INTS9: variants seen among roughly 807,000 people sequenced by gnomAD.
The protein encoded by INTS9 is protein related to CPSF subunits of 74 kDa.
A neutral mutation model predicts 79.7 loss-of-function variants in INTS9; 55 were observed. The ratio of observed to expected loss-of-function variants is 0.69; its 90% CI spans 0.56 to 0.86. INTS9 has a LOEUF of 0.86. Ranked by LOEUF, INTS9 falls within the 40% of genes least tolerant of loss-of-function variation. INTS9 has a pLI of 0.00. For synonymous variants in INTS9, 319 were observed against 325.2 expected (o/e 0.98, Z 0.20); for missense variants, 721 against 831.5 (o/e 0.87, Z 1.64).
At chr8:28,856,711 C>T (rs1234229805) in intron 2 of INTS9, among the ~76,000 whole-genome samples, 1 of 152,148 alleles carries the variant, frequency 6.6e-6, no homozygotes, top group African/African-American at 2.4e-5. Context: ...GAGCAATTTA[C>T]TTTTTGTTAT....
rs141707027 is a variant in INTS9, at chr8:28,837,641, C to T, written c.397G>A (p.Gly133Ser). The T allele has an allele frequency of 1.9e-4, 304 of 1,612,496 alleles. 1 individual carries two copies. In the African/African-American group the frequency reaches 3.2e-3, roughly 17 times the overall value. The part of the protein sequence containing the change: ...VYATEPTVQI[G>S]RLLMEELVNF... ...GGTCAGAATCAACCCTCTCACCTGC[C>T]GATCTGGACGGTGGGTTCCGTGGCA... Residue 133 changes from glycine (G) to serine (S), a missense_variant, in exon 5 of 17, where the codon GGC (glycine) becomes AGC (serine). Physicochemically the swap from Gly to Ser is moderately conservative, Grantham distance 56. This residue lies in a region of INTS9 where 291 missense variants were observed against 307.0 expected (regional missense o/e 0.95). Coordinates refer to ENST00000521022, the MANE Select transcript of INTS9 (RefSeq NM_018250.4).
At chr8:28,875,259 T>C (rs974585803) in intron 1 of INTS9, among the ~76,000 whole-genome samples, 1 of 152,174 alleles carries the variant, frequency 6.6e-6, no homozygotes, top group Non-Finnish European at 1.5e-5. Flanking sequence ...GTATCCATTT[T>C]TGTACACACT....
intron 1 of INTS9, among the ~76,000 whole-genome samples, chr8:28,882,383 T>C (rs1809911622): frequency 7.0e-6 from 1 of 143,796 alleles, no homozygotes; most frequent in Non-Finnish European, 1.5e-5. Flanking sequence ...CTTGTTTATC[T>C]GCTGACCTTC....
intron 8 of INTS9, among the ~76,000 whole-genome samples, chr8:28,802,812 T>C (rs1329808083): frequency 5.9e-5 from 9 of 152,086 alleles, no homozygotes; most frequent in South Asian, 2.1e-4. Flanking sequence ...CATTCTATTA[T>C]AGATAAGTTT....
intron 3 of INTS9, 95 bp downstream of exon 3, chr8:28,850,118 A>T: frequency 2.4e-6 from 2 of 831,460 alleles, no homozygotes; most frequent in Non-Finnish European, 3.8e-6. Flanking sequence ...AAAAAAAAAA[A>T]GCCATCAGTC....
intron 10 of INTS9, among the ~76,000 whole-genome samples, chr8:28,788,575 C>T (rs555985184): frequency 6.6e-6 from 1 of 152,278 alleles, no homozygotes; most frequent in South Asian, 2.1e-4. Context: ...CCTGCCACCA[C>T]ACTCGGCGAA....
chr8:28,777,367 ACTT>A (rs1802949269), intron 13 of INTS9, among the ~76,000 whole-genome samples: 2 of 152,204 alleles, frequency 1.3e-5, no homozygotes, highest in Middle Eastern at 3.4e-3. Context: ...CACCCCAGCT[ACTT>A]CTTCCCTTTC....
intron 1 of INTS9, among the ~76,000 whole-genome samples, chr8:28,860,251 G>GA (rs1563303573): frequency 6.6e-6 from 1 of 152,166 alleles, no homozygotes; most frequent in East Asian, 1.9e-4. Context: ...ACACTGACCC[G>GA]AAACATTTCT....
At chr8:28,824,681 G>A (rs751973547) in intron 6 of INTS9, among the ~76,000 whole-genome samples, 62 of 152,180 alleles carry the variant, frequency 4.1e-4, no homozygotes, top group Admixed American at 7.2e-4. Flanking sequence ...TGCTGCTCCT[G>A]CATCTGTTAC....
chr8:28,807,706 T>C (rs7009047), intron 8 of INTS9, among the ~76,000 whole-genome samples: 3,306 of 152,236 alleles, frequency 0.022, 118 homozygotes, highest in African/African-American at 0.074. Context: ...ATCAGAAAGT[T>C]GGGGATAAAG....
intron 4 of INTS9, 82 bp from the exon 5 acceptor site, chr8:28,837,858 T>G: frequency 1.5e-6 from 2 of 1,354,806 alleles, no homozygotes; most frequent in South Asian, 1.4e-5. Flanking sequence ...GTTGTCAGAA[T>G]GCAGAGAAGT....
At chr8:28,859,365 C>G in intron 2 of INTS9, 71 bp downstream of exon 2, 21 of 1,525,312 alleles carry the variant, frequency 1.4e-5, no homozygotes, top group Middle Eastern at 1.7e-4. Flanking sequence ...GTACTAGTAA[C>G]CTTCATACTA....
chr8:28,778,565 C>T (rs1219176063), intron 12 of INTS9, among the ~76,000 whole-genome samples: 6 of 152,184 alleles, frequency 3.9e-5, no homozygotes, highest in African/African-American at 1.2e-4. Context: ...GACTGGGATG[C>T]TCCCCAGCAG....
At chr8:28,813,839 C>T in intron 6 of INTS9, 1 of 381,948 alleles carries the variant, frequency 2.6e-6, no homozygotes, top group Non-Finnish European at 4.7e-6. Flanking sequence ...CGGCTCACTG[C>T]AACCTCCACC....
intron 8 of INTS9, among the ~76,000 whole-genome samples, chr8:28,811,089 C>T (rs902040827): frequency 6.6e-5 from 10 of 151,638 alleles, no homozygotes; most frequent in African/African-American, 2.4e-5. Context: ...CACGGCTTTA[C>T]GTGGCTAATT....
intron 4 of INTS9, among the ~76,000 whole-genome samples, chr8:28,845,131 CAA>C (rs937553589): frequency 2.0e-5 from 3 of 152,176 alleles, no homozygotes; most frequent in African/African-American, 7.2e-5. Flanking sequence ...CTGCTGTATA[CAA>C]ACACTTGGGG....
At chr8:28,888,798 T>G (rs1054367670) in intron 1 of INTS9, among the ~76,000 whole-genome samples, 1 of 152,216 alleles carries the variant, frequency 6.6e-6, no homozygotes, top group Non-Finnish European at 1.5e-5. Context: ...AGAAAACAGC[T>G]GGCTTTGCAG....
At chr8:28,818,825 T>G (rs1436361965) in intron 6 of INTS9, among the ~76,000 whole-genome samples, 11 of 151,876 alleles carry the variant, frequency 7.2e-5, no homozygotes, top group African/African-American at 2.2e-4. Flanking sequence ...TGCCACAATT[T>G]CAGAGCCTGT....
chr8:28,793,727 C>A, intron 10 of INTS9, 80 bp downstream of exon 10: 1 of 1,231,498 alleles, frequency 8.1e-7, no homozygotes, highest in Non-Finnish European at 1.1e-6. Flanking sequence ...TGAGAAAAAA[C>A]AGGATTATTT....
Sources: gnomAD v4.1 joint callset for allele counts (sites outside exome capture counted in the v4.1 genomes callset) on GRCh38, gnomAD v4.1.1 for gene constraint, gnomAD v4.1.1 regional missense constraint, MANE v1.5 for transcripts, NCBI Gene and HGNC (gene_info 2026-07-23, HGNC 2026-07-21) for gene names.